The following RALGAPA2 variants were observed in gnomAD, a reference collection of about 807,000 sequenced individuals.
RALGAPA2 encodes Ral GTPase activating protein catalytic subunit alpha 2.
A neutral mutation model predicts 230.4 loss-of-function variants in RALGAPA2; 139 were observed. That is an observed-to-expected ratio of 0.60 (90% CI 0.53 to 0.69). The LOEUF is 0.69. RALGAPA2 is among the 30% of genes least tolerant of loss of function. RALGAPA2 has a pLI of 0.00. For missense variants in RALGAPA2, 2,163 were observed against 2,276.0 expected, an observed-to-expected ratio of 0.95 and a Z score of 1.01; for synonymous variants, 847 against 837.8, an observed-to-expected ratio of 1.01 and a Z score of -0.19.
intron 37 of RALGAPA2, among the ~76,000 whole-genome samples, chr20:20,439,050 T>C (rs962323223): frequency 6.6e-6 from 1 of 152,094 alleles, no homozygotes; most frequent in Non-Finnish European, 1.5e-5. Flanking sequence ...CGTGTAGGAT[T>C]TATTTACCAT....
intron 3 of RALGAPA2, among the ~76,000 whole-genome samples, chr20:20,660,516 AG>A (rs2067739498): frequency 6.6e-6 from 1 of 150,394 alleles, no homozygotes; most frequent in Admixed American, 6.6e-5. Flanking sequence ...ACAAAAGTAC[AG>A]GCCTGTTTTT....
intron 9 of RALGAPA2, among the ~76,000 whole-genome samples, chr20:20,634,612 C>T (rs948758038): frequency 6.6e-6 from 1 of 152,188 alleles, no homozygotes; most frequent in Admixed American, 6.5e-5. Context: ...TGCATTCTTT[C>T]AGCTCAGGCC....
chr20:20,505,200 T>A, intron 34 of RALGAPA2: 1 of 979,804 alleles, frequency 1.0e-6, no homozygotes, highest in Non-Finnish European at 1.2e-6. Flanking sequence ...GAAAAAATAT[T>A]AAGAGGAAAG....
intron 37 of RALGAPA2, among the ~76,000 whole-genome samples, chr20:20,452,296 C>T (rs769775736): frequency 6.6e-6 from 1 of 152,166 alleles, no homozygotes; most frequent in Non-Finnish European, 1.5e-5. Flanking sequence ...TAGAGCTTTG[C>T]AACTCAAGAC....
At chr20:20,538,660 T>A (rs1248708832) in intron 24 of RALGAPA2, among the ~76,000 whole-genome samples, 3 of 152,196 alleles carry the variant, frequency 2.0e-5, no homozygotes, top group African/African-American at 4.8e-5. Flanking sequence ...CTGGGGAGAT[T>A]ACTGTTCTGA....
intron 23 of RALGAPA2, among the ~76,000 whole-genome samples, chr20:20,563,561 G>T (rs186461848): frequency 1.8e-4 from 28 of 152,264 alleles, no homozygotes; most frequent in Non-Finnish European, 2.1e-4. Flanking sequence ...ACACCCCTTG[G>T]TGTATCCTCG....
intron 37 of RALGAPA2, among the ~76,000 whole-genome samples, chr20:20,451,962 T>C (rs374749922): frequency 3.3e-5 from 5 of 152,182 alleles, no homozygotes; most frequent in East Asian, 1.9e-4. Flanking sequence ...CACACCTGAA[T>C]TGATAAGAGC....
intron 13 of RALGAPA2, among the ~76,000 whole-genome samples, chr20:20,614,835 T>G (rs1158900024): frequency 1.3e-5 from 2 of 152,132 alleles, no homozygotes; most frequent in African/African-American, 2.4e-5. Flanking sequence ...TTCAAGGGCC[T>G]CCAGAATACA....
chr20:20,679,131 T>C (rs1000572192), intron 2 of RALGAPA2, among the ~76,000 whole-genome samples: 3 of 152,138 alleles, frequency 2.0e-5, no homozygotes, highest in Non-Finnish European at 4.4e-5. Flanking sequence ...GTCACCTATA[T>C]TGTACTGTCC....
chr20:20,676,998 G>A (rs2068348942), intron 2 of RALGAPA2, among the ~76,000 whole-genome samples: 1 of 152,156 alleles, frequency 6.6e-6, no homozygotes, highest in South Asian at 2.1e-4. Context: ...GCAGCTATAA[G>A]CTGTGGACCC....
At chr20:20,696,651 T>A (rs997245887) in intron 1 of RALGAPA2, among the ~76,000 whole-genome samples, 20 of 151,894 alleles carry the variant, frequency 1.3e-4, no homozygotes, top group Non-Finnish European at 2.2e-4. Flanking sequence ...CCACCCCTAT[T>A]GACTTCCATG....
chr20:20,639,176 C>T (rs1425684267), intron 7 of RALGAPA2, among the ~76,000 whole-genome samples: 1 of 152,162 alleles, frequency 6.6e-6, no homozygotes, highest in Non-Finnish European at 1.5e-5. Flanking sequence ...ATTATTACTT[C>T]AACAACTCGG....
chr20:20,584,027 C>T (rs2065061631), intron 19 of RALGAPA2, among the ~76,000 whole-genome samples: 1 of 152,110 alleles, frequency 6.6e-6, no homozygotes, highest in Non-Finnish European at 1.5e-5. Flanking sequence ...ACCAGGTGAC[C>T]AATGGTAGGT....
intron 14 of RALGAPA2, among the ~76,000 whole-genome samples, chr20:20,605,992 G>A (rs759567462): frequency 5.3e-5 from 8 of 151,822 alleles, no homozygotes; most frequent in East Asian, 1.9e-4. Context: ...CCCCTTCCTC[G>A]GAGTCTTCAT....
intron 33 of RALGAPA2, among the ~76,000 whole-genome samples, chr20:20,509,336 A>G (rs1247784507): frequency 1.3e-5 from 2 of 152,206 alleles, no homozygotes; most frequent in East Asian, 3.8e-4. Flanking sequence ...TTACTGTCTC[A>G]CCTGATAAGT....
chr20:20,407,600 G>A (rs1244561334), intron 38 of RALGAPA2, among the ~76,000 whole-genome samples: 1 of 152,168 alleles, frequency 6.6e-6, no homozygotes, highest in African/African-American at 2.4e-5. Flanking sequence ...TTGCTTTGGG[G>A]CGAATGTGTA....
chr20:20,491,963 G>A (rs942317567), intron 36 of RALGAPA2, among the ~76,000 whole-genome samples: 1 of 152,094 alleles, frequency 6.6e-6, no homozygotes, highest in South Asian at 2.1e-4. Context: ...CACAAATGCT[G>A]TGTATTATTA....
At chr20:20,607,167 T>C (rs768640677) in intron 14 of RALGAPA2, among the ~76,000 whole-genome samples, 4 of 152,020 alleles carry the variant, frequency 2.6e-5, no homozygotes, top group East Asian at 1.9e-4. Context: ...AAATTATATA[T>C]AGATTTTTTA....
intron 1 of RALGAPA2, among the ~76,000 whole-genome samples, chr20:20,704,663 A>G (rs1336530601): frequency 1.3e-5 from 2 of 152,200 alleles, no homozygotes; most frequent in African/African-American, 4.8e-5. Context: ...TTGCAATCCA[A>G]AGGAAGGGAG....
Sources: gnomAD v4.1 joint callset for allele counts (sites outside exome capture counted in the v4.1 genomes callset) on GRCh38, gnomAD v4.1.1 for gene constraint, MANE v1.5 for transcripts, NCBI Gene and HGNC (gene_info 2026-07-23, HGNC 2026-07-21) for gene names.